Variants in CEMIP2 observed in about 807,000 individuals in gnomAD.
CEMIP2 encodes cell surface hyaluronidase CEMIP2.
CEMIP2 carries 79 observed loss-of-function variants against 146.9 expected under a neutral mutation model. The ratio of observed to expected loss-of-function variants is 0.54; its 90% CI spans 0.45 to 0.65. The LOEUF is 0.65. Among genes scored for constraint, CEMIP2 ranks in the 30% least tolerant of loss-of-function variants. The pLI, the probability that CEMIP2 is intolerant of heterozygous loss-of-function variation, is 0.00. For missense variants in CEMIP2, 1,596 were observed against 1,696.2 expected, an observed-to-expected ratio of 0.94 and a Z score of 1.04; for synonymous variants, 601 against 606.3, an observed-to-expected ratio of 0.99 and a Z score of 0.13.
intron 10 of CEMIP2, among the ~76,000 whole-genome samples, chr9:71,729,544 G>A (rs1165577417): frequency 3.3e-5 from 5 of 149,640 alleles, no homozygotes; most frequent in African/African-American, 7.3e-5. Flanking sequence ...GCGTGAACCC[G>A]GGGGGTGGAG....
chr9:71,765,308 A>C (rs1438184823), intron 1 of CEMIP2, among the ~76,000 whole-genome samples: 1 of 152,226 alleles, frequency 6.6e-6, no homozygotes, highest in East Asian at 1.9e-4. Context: ...AACTTTTGAA[A>C]GTACCTTTTG....
chr9:71,757,773 G>A (rs1450723314), intron 1 of CEMIP2, among the ~76,000 whole-genome samples: 2 of 152,190 alleles, frequency 1.3e-5, no homozygotes, highest in Non-Finnish European at 2.9e-5. Context: ...TTGAGGGGAA[G>A]CAGGGTTAGG....
At chr9:71,769,076 T>C (rs1824894600), upstream of CEMIP2, among the ~76,000 whole-genome samples, 1 of 152,068 alleles carries the variant, frequency 6.6e-6, no homozygotes, top group East Asian at 1.9e-4. Context: ...CCGAGCGCAC[T>C]GCCGGCGGGG....
intron 12 of CEMIP2, among the ~76,000 whole-genome samples, chr9:71,722,159 T>A (rs1369981907): frequency 2.0e-5 from 3 of 152,208 alleles, no homozygotes; most frequent in Admixed American, 1.3e-4. Context: ...TCTCCTCTTT[T>A]TTCTTTCTCT....
intron 21 of CEMIP2, among the ~76,000 whole-genome samples, chr9:71,692,365 ATCTCTCTC>A (rs10683725): frequency 2.5e-4 from 23 of 90,508 alleles, no homozygotes; most frequent in Admixed American, 1.4e-4. Context: ...TCTACCCCCC[ATCTCTCTC>A]TCTCTCTCTC....
chr9:71,725,693 T>C lies in CEMIP2; in HGVS notation c.2066A>G (p.Tyr689Cys), dbSNP rs375265235. ...CCCAGTTGGTTCCTTGTGGAATAAA[T>C]ACCATATTCCAGCATCCTACAAATG... ...AAGSQDAGIW[Y>C]LFHKEPTGES... The change falls in exon 11 of 24, where the codon TAT becomes TGT. Residue 689 changes from tyrosine to cysteine, a missense_variant. By Grantham distance (194) the Tyr-to-Cys change is radical. Coordinates refer to ENST00000377044, the MANE Select transcript of CEMIP2 (RefSeq NM_013390.3). The C allele has an allele frequency of 2.0e-5, 32 of 1,613,526 alleles. No individual in the cohort carries two copies. The African/African-American group carries it at 4.1e-4, about 21-fold the overall frequency.
rs1187116465 is a variant in CEMIP2, at chr9:71,750,111, A to G, written c.263T>C (p.Ile88Thr). Residue 88 changes from isoleucine to threonine, a missense_variant, in exon 2 of 24, where the codon ATT (isoleucine) becomes ACT (threonine). Physicochemically the swap from Ile to Thr is moderately conservative, Grantham distance 89 (BLOSUM62 -1). Transcript: ENST00000377044. Reference sequence around the variant, plus strand: ...TGCAATAAAAAATGAGAAACTAGTAATAGCAAAACAAATGAAAGTATTTTT... The same window carrying G: ...TGCAATAAAAAATGAGAAACTAGTAGTAGCAAAACAAATGAAAGTATTTTT... ...RHKNTFICFA[I>T]TSFSFFIALA... 3 of 1,613,738 alleles carry G rather than the reference A, an allele frequency of 1.9e-6. No individual in the cohort carries two copies. Among genetic ancestry groups the G allele is most frequent in the South Asian group, 1.1e-5 (1 of 91,048 alleles).
Position 71,686,036 on chromosome 9 carries a change from G to A in CEMIP2, c.3852-190C>T, listed in dbSNP as rs190456213. 85 of 576,764 alleles carry A rather than the reference G, an allele frequency of 1.5e-4. 1 individual carries two copies. Among genetic ancestry groups the A allele is most frequent in the African/African-American group, 1.1e-4 (6 of 53,320 alleles). 35.7% of individuals were successfully genotyped at this position (576,764 alleles called of 1,614,324 possible). On this transcript the variant is annotated intron_variant, in intron 22 of 23. Transcript: ENST00000377044. ...CACCCCACCACCATGGGCTTCACAC[G>A]TTGCTCTTACAAGGGGTAACGCATA...
rs919455214 is a variant in CEMIP2 at position 71,684,999 on chromosome 9, C to T, written c.*198G>A. On this transcript the variant is annotated 3_prime_UTR_variant, in exon 24 of 24. Coordinates refer to ENST00000377044, the MANE Select transcript of CEMIP2 (RefSeq NM_013390.3). ...ACACCAGCCTTACAAATACAAACAA[C>T]GTCTTTAACATTTTGTACAACTAGA... 3.2e-5 allele frequency: 16 copies of T among 499,424 alleles called. No homozygotes were observed. Among genetic ancestry groups the T allele is most frequent in the Admixed American group, 1.1e-4 (3 of 27,128 alleles). The allele number at this position is 499,424 out of a possible 1,614,324, so 30.9% of individuals were successfully genotyped here. A position where few individuals can be genotyped will look rare whatever the true frequency, so the allele number is the denominator to read the frequency against.
chr9:71,722,561 TACA>T (rs1160829778), intron 11 of CEMIP2, 46 bp from the exon 12 acceptor site: 4 of 1,389,908 alleles, frequency 2.9e-6, no homozygotes, highest in South Asian at 1.2e-5. Flanking sequence ...AATCCCAACT[TACA>T]ACAACATATA....
chr9:71,704,639 C>T lies in CEMIP2; in HGVS notation c.3150G>A (p.Gly1050=). 6.2e-7 allele frequency: 1 copy of T among 1,614,146 alleles called. No individual in the cohort carries two copies. The highest frequency in any genetic ancestry group is 8.5e-7 in the Non-Finnish European group (1 of 1,180,024). The change falls in exon 18 of 24, where the codon GGG becomes GGA. Residue 1050 remains glycine (G), a synonymous_variant. Coordinates refer to ENST00000377044, the MANE Select transcript of CEMIP2 (RefSeq NM_013390.3). Reference sequence around the variant, plus strand: ...ATAGAAATGTAGTCCGTGGTGCCGGCCCATTCCAGTGGATGGTATAACCCT... The same window carrying T: ...ATAGAAATGTAGTCCGTGGTGCCGGTCCATTCCAGTGGATGGTATAACCCT... ...LEKGYTIHWN[G]PAPRTTFLYL...
chr9:71,728,321 A>C (rs201265843), intron 10 of CEMIP2, among the ~76,000 whole-genome samples: 1 of 103,294 alleles, frequency 9.7e-6, no homozygotes, highest in African/African-American at 3.5e-5. Flanking sequence ...ATATATACGT[A>C]TATATATATA....
In CEMIP2 at chr9:71,709,486, G is replaced by C. The variant is rs775095819; in HGVS notation, c.2770-12C>G. 3.1e-6 allele frequency: 5 copies of C among 1,611,694 alleles called. No individual in the cohort carries two copies. The highest frequency in any genetic ancestry group is 3.4e-6 in the Non-Finnish European group (4 of 1,177,990). On this transcript the variant is annotated splice_polypyrimidine_tract_variant and intron_variant, in intron 16 of 23. Transcript: ENST00000377044. ...ACATTCAGAGAGACCTGACCACAGT[G>C]AAAAAGAAAGACATCACAAAGTGAG...
intron 1 of CEMIP2, among the ~76,000 whole-genome samples, chr9:71,764,983 TGGCTTGGGA>T (rs1348954342): frequency 6.6e-6 from 1 of 152,004 alleles, no homozygotes; most frequent in Non-Finnish European, 1.5e-5. Context: ...AGGGCTAGCT[TGGCTTGGGA>T]GGCAGAGGGG....
chr9:71,720,225 C>T (rs143721639), intron 12 of CEMIP2, among the ~76,000 whole-genome samples: 31 of 152,214 alleles, frequency 2.0e-4, no homozygotes, highest in Admixed American at 3.9e-4. Flanking sequence ...TTAAAATTTT[C>T]CATCTTTGGA....
chr9:71,729,449 C>G (rs1823546677), intron 10 of CEMIP2, among the ~76,000 whole-genome samples: 1 of 152,042 alleles, frequency 6.6e-6, no homozygotes, highest in East Asian at 2.0e-4. Flanking sequence ...GAAACCCCGT[C>G]TCTACTAAAA....
chr9:71,733,648 A>G (rs1462624088), intron 6 of CEMIP2, among the ~76,000 whole-genome samples: 1 of 152,212 alleles, frequency 6.6e-6, no homozygotes, highest in Non-Finnish European at 1.5e-5. Flanking sequence ...CAGTTACTGT[A>G]AACTCTTTTG....
In CEMIP2 at chr9:71,740,231, G is replaced by T; in HGVS notation, c.1036C>A (p.Gln346Lys). Reference sequence around the variant, plus strand: ...ATGACACCAACTAAAGCCCAAGCTTGCCTAGAAGGAAAAAGAGCATGTGCA... The same window carrying T: ...ATGACACCAACTAAAGCCCAAGCTTTCCTAGAAGGAAAAAGAGCATGTGCA... ...SELIQGLGYR[Q>K]AWALVGVIDG... The change falls in exon 5 of 24, where the codon CAA becomes AAA. Residue 346 changes from glutamine to lysine, a missense_variant and splice_region_variant. Coordinates refer to ENST00000377044, the MANE Select transcript of CEMIP2 (RefSeq NM_013390.3). 6.2e-7 allele frequency: 1 copy of T among 1,612,456 alleles called. No individual in the cohort carries two copies. Among genetic ancestry groups the T allele is most frequent in the Non-Finnish European group, 8.5e-7 (1 of 1,179,812 alleles).
Position 71,684,931 on chromosome 9 carries a change from T to G in CEMIP2, c.*266A>C. Reference sequence around the variant, plus strand: ...AACATTGCTCATGGTCATTACAAAATACGGGGGTGGAAAGTGAGGAATAAG... The same window carrying G: ...AACATTGCTCATGGTCATTACAAAAGACGGGGGTGGAAAGTGAGGAATAAG... On this transcript the variant is annotated 3_prime_UTR_variant, in exon 24 of 24. Transcript: ENST00000377044. The G allele has an allele frequency of 2.5e-6, 1 of 394,190 alleles. No individual in the cohort carries two copies. The highest frequency in any genetic ancestry group is 4.5e-6 in the Non-Finnish European group (1 of 222,378). The allele number at this position is 394,190 out of a possible 1,614,324, so 24.4% of individuals were successfully genotyped here. A position where few individuals can be genotyped will look rare whatever the true frequency, so the allele number is the denominator to read the frequency against.
Sources: allele counts gnomAD v4.1 joint callset (sites outside exome capture counted in the v4.1 genomes callset), GRCh38; gene constraint gnomAD v4.1.1; transcripts MANE v1.5; gene names NCBI Gene and HGNC (gene_info 2026-07-23, HGNC 2026-07-21).